EPHA3: variants seen among roughly 807,000 people sequenced by gnomAD.
The protein encoded by EPHA3 is ephrin type-A receptor 3.
In EPHA3, 42 loss-of-function variants were observed where a neutral mutation model predicts 107.1. That is an observed-to-expected ratio of 0.39 (90% CI 0.31 to 0.51). The LOEUF is 0.51. Among genes scored for constraint, EPHA3 ranks in the 20% least tolerant of loss-of-function variants. EPHA3 has a pLI of 0.78. For missense variants in EPHA3, 1,183 were observed against 1,211.2 expected (o/e 0.98, Z 0.35); for synonymous variants, 461 against 424.8 (o/e 1.09, Z -1.05).
At chr3:89,429,204 A>C (rs1321595514) in intron 12 of EPHA3, 37 bp downstream of exon 12, 2 of 1,516,364 alleles carry the variant, frequency 1.3e-6, no homozygotes, top group East Asian at 2.3e-5. Flanking sequence ...TATATGAATA[A>C]ATTGCTGAAA....
chr3:89,473,388 A>G (rs1274738579), intron 16 of EPHA3, among the ~76,000 whole-genome samples: 2 of 152,216 alleles, frequency 1.3e-5, no homozygotes, highest in African/African-American at 4.8e-5. Context: ...AAGGTGGTAT[A>G]TAAAGAATCA....
At chr3:89,110,649 C>T (rs1707081429) in intron 1 of EPHA3, among the ~76,000 whole-genome samples, 1 of 151,872 alleles carries the variant, frequency 6.6e-6, no homozygotes, top group African/African-American at 2.4e-5. Flanking sequence ...GTTTACATGG[C>T]TTAAGAAAAG....
At chr3:89,366,426 C>T (rs1363177864) in intron 5 of EPHA3, among the ~76,000 whole-genome samples, 18 of 150,682 alleles carry the variant, frequency 1.2e-4, no homozygotes. Flanking sequence ...AGATAATATA[C>T]AGCATTTTAG....
chr3:89,262,087 A>G (rs1434762760), intron 3 of EPHA3, among the ~76,000 whole-genome samples: 2 of 152,134 alleles, frequency 1.3e-5, no homozygotes, highest in African/African-American at 4.8e-5. Context: ...CCCAAATAAT[A>G]TTATAACTAC....
At position 89,211,165 on chromosome 3, in the gene EPHA3, C is replaced by T. The variant is rs185891304; in HGVS notation, c.814+645C>T. ...GTGCTCAAAAATTATTTGTATCATC[C>T]GTTAGGCTTGAATGCATATTTGATA... On this transcript the variant is annotated intron_variant, in intron 3 of 16. Coordinates refer to ENST00000336596, the MANE Select transcript of EPHA3 (RefSeq NM_005233.6). Among the ~76,000 whole-genome samples, 11 of 151,976 alleles carry T rather than the reference C, an allele frequency of 7.2e-5. No homozygotes were observed. The East Asian group carries it at 7.7e-4, about 11-fold the overall frequency.
chr3:89,254,110 TTA>T (rs1220955045), intron 3 of EPHA3, among the ~76,000 whole-genome samples: 5 of 152,174 alleles, frequency 3.3e-5, no homozygotes, highest in African/African-American at 9.7e-5. Flanking sequence ...CCCTCCGAGT[TTA>T]TATGTTATTC....
chr3:89,436,362 A>G (rs898412366), intron 13 of EPHA3, among the ~76,000 whole-genome samples: 3 of 152,218 alleles, frequency 2.0e-5, no homozygotes, highest in Admixed American at 6.5e-5. Flanking sequence ...GTTAATCTGC[A>G]TTAAAAAGTC....
chr3:89,477,684 T>C (rs73846196), intron 16 of EPHA3, among the ~76,000 whole-genome samples: 5,141 of 152,192 alleles, frequency 0.034, 290 homozygotes, highest in African/African-American at 0.12. Context: ...TCAATTTTCC[T>C]GGCTCTCCTT....
intron 2 of EPHA3, among the ~76,000 whole-genome samples, chr3:89,197,587 T>C (rs1219419746): frequency 6.6e-6 from 1 of 152,066 alleles, no homozygotes; most frequent in Non-Finnish European, 1.5e-5. Flanking sequence ...TACAGAAATA[T>C]AGAACATGGT....
intron 3 of EPHA3, among the ~76,000 whole-genome samples, chr3:89,255,313 T>G (rs891180843): frequency 1.3e-5 from 2 of 152,194 alleles, no homozygotes; most frequent in Non-Finnish European, 2.9e-5. Flanking sequence ...AACTCTGGTT[T>G]CCTATATCAT....
Position 89,344,924 on chromosome 3 carries a change from G to T in EPHA3, c.1306+2834G>T, listed in dbSNP as rs1707608764. On this transcript the variant is annotated intron_variant, in intron 5 of 16. Coordinates refer to ENST00000336596, the MANE Select transcript of EPHA3 (RefSeq NM_005233.6). ...CAAAGTATGTCAGTGAGATAAGAAA[G>T]TAGGCCACCATATAAAGATTGTATC... Among the ~76,000 whole-genome samples the T allele has an allele frequency of 2.8e-5, 4 of 143,794 alleles. No individual in the cohort carries two copies. The Admixed American group carries it at 2.8e-4, about 10-fold the overall frequency. The allele number at this position is 143,794 out of a possible 152,430, so 94.3% of individuals were successfully genotyped here. A position where few individuals can be genotyped will look rare whatever the true frequency, so the allele number is the denominator to read the frequency against.
rs566709268 is a variant in EPHA3, at chr3:89,179,365, G to A, written c.154-30495G>A. Among the ~76,000 whole-genome samples the A allele has an allele frequency of 4.6e-5, 7 of 152,064 alleles. No homozygotes were observed. In the East Asian group the frequency reaches 1.4e-3, roughly 29 times the overall value. Reference sequence around the variant, plus strand: ...TAAACCAGTCTAATTTCTTTAAAAAGGAGGGGAACTTTTATAATTAGTTAC... The same window carrying A: ...TAAACCAGTCTAATTTCTTTAAAAAAGAGGGGAACTTTTATAATTAGTTAC... On this transcript the variant is annotated intron_variant, in intron 2 of 16. Coordinates refer to ENST00000336596, the MANE Select transcript of EPHA3 (RefSeq NM_005233.6).
intron 2 of EPHA3, among the ~76,000 whole-genome samples, chr3:89,144,266 A>G (rs546089685): frequency 4.2e-4 from 63 of 151,734 alleles, no homozygotes; most frequent in Non-Finnish European, 8.0e-4. Flanking sequence ...CATGGCAACC[A>G]CAGATCTTTT....
intron 7 of EPHA3, among the ~76,000 whole-genome samples, chr3:89,405,336 A>G (rs1172662620): frequency 1.3e-5 from 2 of 152,166 alleles, no homozygotes; most frequent in East Asian, 3.9e-4. Context: ...ACTAAGGGGT[A>G]CATAACCTGT....
chr3:89,276,263 A>G (rs1399016030), intron 3 of EPHA3, among the ~76,000 whole-genome samples: 1 of 152,124 alleles, frequency 6.6e-6, no homozygotes, highest in Non-Finnish European at 1.5e-5. Flanking sequence ...GAAAAGGCTC[A>G]TAACACTTTC....
chr3:89,300,553 T>A lies in EPHA3; in HGVS notation c.815-40363T>A, dbSNP rs527842759. 1.1e-3 allele frequency among the ~76,000 whole-genome samples: 169 copies of A among 152,126 alleles called. No homozygotes were observed. The South Asian group carries it at 0.017, about 15-fold the overall frequency. ...AGTACATGCTATGTTACAGACACCA[T>A]GCTAAACATTTTTATTTAGATTATC... On this transcript the variant is annotated intron_variant, in intron 3 of 16. Coordinates refer to ENST00000336596, the MANE Select transcript of EPHA3 (RefSeq NM_005233.6).
intron 6 of EPHA3, among the ~76,000 whole-genome samples, chr3:89,398,737 T>G (rs1050322497): frequency 6.6e-6 from 1 of 152,206 alleles, no homozygotes; most frequent in Non-Finnish European, 1.5e-5. Flanking sequence ...CTCACATATT[T>G]ACTGGTTAGA....
intron 8 of EPHA3, 79 bp downstream of exon 8, chr3:89,407,450 AGT>A: frequency 8.9e-7 from 1 of 1,121,302 alleles, no homozygotes; most frequent in East Asian, 2.4e-5. Context: ...AAATGTGAAG[AGT>A]GTGCTCAATA....
chr3:89,418,275 T>C (rs1391591301), intron 10 of EPHA3, among the ~76,000 whole-genome samples: 1 of 151,438 alleles, frequency 6.6e-6, no homozygotes, highest in Non-Finnish European at 1.5e-5. Flanking sequence ...ATCCACACTA[T>C]GTTAGAAGTT....
Sources: gnomAD v4.1 joint callset for allele counts (sites outside exome capture counted in the v4.1 genomes callset) on GRCh38, gnomAD v4.1.1 for gene constraint, MANE v1.5 for transcripts, NCBI Gene and HGNC (gene_info 2026-07-23, HGNC 2026-07-21) for gene names.